Variants in PKIG observed in about 807,000 individuals in gnomAD.
The protein encoded by PKIG is protein kinase (cAMP-dependent, catalytic) inhibitor gamma.
A neutral mutation model predicts 6.8 loss-of-function variants in PKIG; 1 was observed. The ratio of observed to expected loss-of-function variants is 0.15; its 90% CI spans 0.05 to 0.69. The LOEUF is 0.69. Ranked by LOEUF, PKIG falls within the 30% of genes least tolerant of loss-of-function variation. PKIG has a pLI of 0.82. For synonymous variants in PKIG, 39 were observed against 43.0 expected (o/e 0.91, Z 0.36); for missense variants, 77 against 104.0 (o/e 0.74, Z 1.13).
intron 1 of PKIG, among the ~76,000 whole-genome samples, chr20:44,561,840 T>G (rs981961669): frequency 1.3e-5 from 2 of 152,180 alleles, no homozygotes; most frequent in Non-Finnish European, 2.9e-5. Flanking sequence ...AGATAATTGA[T>G]GATCATTTTC....
intron 1 of PKIG, among the ~76,000 whole-genome samples, chr20:44,555,735 C>G (rs1310646699): frequency 6.6e-6 from 1 of 152,166 alleles, no homozygotes; most frequent in Non-Finnish European, 1.5e-5. Flanking sequence ...TTTTTGTCCA[C>G]TTGCTAGGGA....
chr20:44,561,853 G>A (rs1190471028), intron 1 of PKIG, among the ~76,000 whole-genome samples: 2 of 152,188 alleles, frequency 1.3e-5, no homozygotes, highest in Non-Finnish European at 2.9e-5. Flanking sequence ...TCATTTTCTA[G>A]AACTGCAGAA....
intron 1 of PKIG, among the ~76,000 whole-genome samples, chr20:44,543,568 T>A (rs1402425507): frequency 6.6e-6 from 1 of 152,208 alleles, no homozygotes; most frequent in East Asian, 1.9e-4. Flanking sequence ...GTATATGTTT[T>A]GGCTGATACA....
intron 1 of PKIG, among the ~76,000 whole-genome samples, chr20:44,587,615 G>C (rs930805894): frequency 6.6e-6 from 1 of 151,050 alleles, no homozygotes; most frequent in Non-Finnish European, 1.5e-5. Context: ...TTTTTTTTCT[G>C]ATTGCAAAAT....
At chr20:44,533,275 C>T (rs1158070913) in intron 1 of PKIG, among the ~76,000 whole-genome samples, 1 of 152,136 alleles carries the variant, frequency 6.6e-6, no homozygotes, top group Admixed American at 6.6e-5. Context: ...AGTGATCCTC[C>T]TGTCTCAGCC....
At chr20:44,557,068 G>A (rs948338356) in intron 1 of PKIG, among the ~76,000 whole-genome samples, 1 of 152,080 alleles carries the variant, frequency 6.6e-6, no homozygotes, top group Non-Finnish European at 1.5e-5. Context: ...TTCTATTAAG[G>A]TCGTATATAA....
chr20:44,535,751 G>A (rs780700130), intron 1 of PKIG, among the ~76,000 whole-genome samples: 4 of 152,164 alleles, frequency 2.6e-5, no homozygotes, highest in Admixed American at 1.3e-4. Flanking sequence ...TTTCTTAAAT[G>A]TATACATGTT....
At chr20:44,610,960 A>G (rs2065213219) in intron 2 of PKIG, among the ~76,000 whole-genome samples, 1 of 152,098 alleles carries the variant, frequency 6.6e-6, no homozygotes, top group Admixed American at 6.5e-5. Context: ...TAATCAGATC[A>G]GGGCAGTTAG....
intron 2 of PKIG, among the ~76,000 whole-genome samples, chr20:44,612,552 A>G (rs1366400827): frequency 6.6e-6 from 1 of 152,226 alleles, no homozygotes; most frequent in Non-Finnish European, 1.5e-5. Flanking sequence ...GAGAGATACT[A>G]GTATCCCCTT....
Position 44,547,452 on chromosome 20 carries a change from G to T in PKIG, c.-241+15474G>T, listed in dbSNP as rs551007864. 8.5e-5 allele frequency among the ~76,000 whole-genome samples: 13 copies of T among 152,314 alleles called. 1 individual carries two copies. The South Asian group carries it at 2.5e-3, about 29-fold the overall frequency. On this transcript the variant is annotated intron_variant, in intron 1 of 4. Coordinates refer to the PKIG transcript ENST00000372887. Reference sequence around the variant, plus strand: ...TTTTGTGGGGAGAGAAGCAGGCCATGTGTGGTGAGCAGGGTAGAGAAAGAG... The same window carrying T: ...TTTTGTGGGGAGAGAAGCAGGCCATTTGTGGTGAGCAGGGTAGAGAAAGAG...
chr20:44,552,550 G>T (rs2064678488), intron 1 of PKIG, among the ~76,000 whole-genome samples: 1 of 152,118 alleles, frequency 6.6e-6, no homozygotes, highest in African/African-American at 2.4e-5. Context: ...TCTGAATTCA[G>T]TTTGGAATGA....
intron 1 of PKIG, among the ~76,000 whole-genome samples, chr20:44,587,439 G>A (rs544392958): frequency 1.5e-4 from 23 of 152,280 alleles, no homozygotes; most frequent in South Asian, 8.3e-4. Flanking sequence ...TGGCTTCAGA[G>A]GGGTGGAAAG....
At chr20:44,548,385 C>T (rs1232775634) in intron 1 of PKIG, among the ~76,000 whole-genome samples, 3 of 152,050 alleles carry the variant, frequency 2.0e-5, no homozygotes, top group Non-Finnish European at 2.9e-5. Context: ...TCATAATATT[C>T]GTGGCAGAGT....
intron 2 of PKIG, among the ~76,000 whole-genome samples, chr20:44,604,080 T>G (rs2065144313): frequency 6.6e-6 from 1 of 151,862 alleles, no homozygotes; most frequent in Non-Finnish European, 1.5e-5. Context: ...GAAAAGCCAG[T>G]TGGGGAAGGT....
chr20:44,558,337 TG>T (rs2064733041), intron 1 of PKIG, among the ~76,000 whole-genome samples: 1 of 152,206 alleles, frequency 6.6e-6, no homozygotes, highest in South Asian at 2.1e-4. Flanking sequence ...CTCCATTTTG[TG>T]GGTGGGAGAA....
upstream of PKIG, among the ~76,000 whole-genome samples, chr20:44,580,069 C>G (rs2123332083): frequency 6.6e-6 from 1 of 152,320 alleles, no homozygotes; most frequent in South Asian, 2.1e-4. Flanking sequence ...CTCTGACTTT[C>G]TTTCATTGTC....
intron 1 of PKIG, among the ~76,000 whole-genome samples, chr20:44,585,671 A>C (rs535184852): frequency 1.3e-5 from 2 of 152,352 alleles, no homozygotes; most frequent in Admixed American, 6.5e-5. Context: ...CCATCTGTTA[A>C]ATGATGACAA....
chr20:44,594,351 T>A (rs1422300354), intron 2 of PKIG, among the ~76,000 whole-genome samples: 3 of 152,184 alleles, frequency 2.0e-5, no homozygotes, highest in Non-Finnish European at 4.4e-5. Flanking sequence ...AACCTGAGGT[T>A]CAGAGAGGTC....
intron 2 of PKIG, among the ~76,000 whole-genome samples, chr20:44,595,834 A>G (rs542743144): frequency 5.3e-5 from 8 of 151,990 alleles, no homozygotes; most frequent in Admixed American, 3.3e-4. Context: ...TAAAAGTACA[A>G]CTGTCCTGTG....
Sources: gnomAD v4.1 joint callset for allele counts (sites outside exome capture counted in the v4.1 genomes callset) on GRCh38, gnomAD v4.1.1 for gene constraint, MANE v1.5 for transcripts, NCBI Gene and HGNC (gene_info 2026-07-23, HGNC 2026-07-21) for gene names.